TFG: variants seen among roughly 807,000 people sequenced by gnomAD.
The protein encoded by TFG is trafficking from ER to golgi regulator.
TFG carries 22 observed loss-of-function variants against 51.4 expected under a neutral mutation model. That is an observed-to-expected ratio of 0.43 (90% CI 0.31 to 0.61). The LOEUF (loss-of-function observed/expected upper bound fraction) is 0.61. Among genes scored for constraint, TFG ranks in the 20% least tolerant of loss-of-function variants. TFG has a pLI of 0.12. For synonymous variants in TFG, 187 were observed against 165.6 expected (o/e 1.13, Z -0.99); for missense variants, 419 against 487.7 (o/e 0.86, Z 1.33).
At chr3:100,734,924 C>A (rs1489533667) in intron 5 of TFG, among the ~76,000 whole-genome samples, 1 of 152,030 alleles carries the variant, frequency 6.6e-6, no homozygotes, top group Admixed American at 6.6e-5. Flanking sequence ...TTTTGTAGTT[C>A]TTCAGGTGTG....
intron 3 of TFG, among the ~76,000 whole-genome samples, chr3:100,723,284 A>G (rs916090893): frequency 2.6e-5 from 4 of 152,156 alleles, no homozygotes; most frequent in Non-Finnish European, 5.9e-5. Flanking sequence ...TGTACATGTA[A>G]GAGTTATAAT....
chr3:100,721,385 A>G (rs1226074814), intron 3 of TFG, among the ~76,000 whole-genome samples: 1 of 152,204 alleles, frequency 6.6e-6, no homozygotes, highest in Non-Finnish European at 1.5e-5. Flanking sequence ...AGGAATTGCC[A>G]TCTGGTGTCT....
chr3:100,732,918 C>T lies in TFG; in HGVS notation c.580+246C>T, dbSNP rs558656792. On this transcript the variant is annotated intron_variant, in intron 5 of 7. Coordinates refer to ENST00000240851, the MANE Select transcript of TFG (RefSeq NM_006070.6). ...TCTCCCCAAGAGTAGCACCCTCCCC[C>T]TTAAAGAATAAGCACTGTTGGGTTC... Among the ~76,000 whole-genome samples the T allele has an allele frequency of 3.3e-5, 5 of 152,146 alleles. No homozygotes were observed. The East Asian group carries it at 9.7e-4, about 29-fold the overall frequency.
chr3:100,748,579 C>G lies in TFG; in HGVS notation c.*48C>G, dbSNP rs773234775. 1.3e-6 allele frequency: 2 copies of G among 1,530,780 alleles called. No homozygotes were observed. The highest frequency in any genetic ancestry group is 1.8e-6 in the Non-Finnish European group (2 of 1,136,290). The allele number at this position is 1,530,780 out of a possible 1,614,324, so 94.8% of individuals were successfully genotyped here. A position where few individuals can be genotyped will look rare whatever the true frequency, so the allele number is the denominator to read the frequency against. On this transcript the variant is annotated 3_prime_UTR_variant, in exon 8 of 8. Transcript: ENST00000240851. Reference sequence around the variant, plus strand: ...ATGTAGCTGCTAGCTATTGGCCTCCCAAAAGACTCCAGTACTATTTTAATT... The same window carrying G: ...ATGTAGCTGCTAGCTATTGGCCTCCGAAAAGACTCCAGTACTATTTTAATT...
rs1317136895 is a variant in TFG, at chr3:100,744,919, A to C, written c.808A>C (p.Ile270Leu). ...APPQQPQQYG[I>L]QYSASYSQQT... ...ACCTCAGCAGCCTCAACAGTATGGT[A>C]TTCAGTATTCAGGTGAGCAGGTGTT... The change falls in exon 7 of 8, where the codon ATT becomes CTT. Residue 270 changes from isoleucine to leucine, a missense_variant. Ile to Leu is a conservative substitution (Grantham distance 5, BLOSUM62 2). This residue lies in a region of TFG where 391 missense variants were observed against 434.4 expected (regional missense o/e 0.90). Transcript: ENST00000240851. 2 of 1,611,536 alleles carry C rather than the reference A, an allele frequency of 1.2e-6. No homozygotes were observed. Among genetic ancestry groups the C allele is most frequent in the Non-Finnish European group, 1.7e-6 (2 of 1,178,132 alleles).
Position 100,713,653 on chromosome 3 carries a change from G to C in TFG, c.-33G>C. 6.9e-7 allele frequency: 1 copy of C among 1,442,112 alleles called. No homozygotes were observed. The highest frequency in any genetic ancestry group is 1.9e-4 in the Middle Eastern group (1 of 5,402). 89.3% of individuals were successfully genotyped at this position (1,442,112 alleles called of 1,614,324 possible). ...AACCACTTTTATCAGTCTTTCTCTA[G>C]AGTTGTATATATAGAACATCCTGGA... On this transcript the variant is annotated 5_prime_UTR_variant, in exon 2 of 8. Transcript: ENST00000240851.
chr3:100,718,419 AC>A (rs2095052034), intron 2 of TFG, among the ~76,000 whole-genome samples: 1 of 151,828 alleles, frequency 6.6e-6, no homozygotes, highest in Admixed American at 6.6e-5. Flanking sequence ...CAATGTAAAA[AC>A]CATTTTTCAT....
Position 100,728,758 on chromosome 3 carries a change from C to G in TFG, c.315C>G (p.Leu105=). 1 of 1,611,900 alleles carries G rather than the reference C, an allele frequency of 6.2e-7. No individual in the cohort carries two copies. The highest frequency in any genetic ancestry group is 8.5e-7 in the Non-Finnish European group (1 of 1,179,028). ...RPLESSQVKY[L]RRELIELRNK... ...TTGAATCAAGTCAGGTGAAATATCT[C>G]CGTCGAGAACTGATAGAACTTCGAA... Residue 105 remains leucine, a synonymous_variant, in exon 4 of 8, where the codon CTC becomes CTG. Transcript: ENST00000240851.
At chr3:100,746,265 G>C (rs2095134582) in intron 7 of TFG, among the ~76,000 whole-genome samples, 1 of 152,130 alleles carries the variant, frequency 6.6e-6, no homozygotes, top group African/African-American at 2.4e-5. Context: ...ACCTGGGGGA[G>C]GCTATGTGTG....
rs1185375387 is a variant in TFG at position 100,748,513 on chromosome 3, T to A, written c.1185T>A (p.Pro395=). 6.2e-7 allele frequency: 1 copy of A among 1,611,680 alleles called. No homozygotes were observed. Among genetic ancestry groups the A allele is most frequent in the East Asian group, 2.2e-5 (1 of 44,798 alleles). The change falls in exon 8 of 8, where the codon CCT becomes CCA. Residue 395 remains proline (P), a synonymous_variant. Coordinates refer to ENST00000240851, the MANE Select transcript of TFG (RefSeq NM_006070.6). ...CCTTTGGTCAGGGCTATACCCAACC[T>A]GGACCTGGTTATCGATAAGGAGGCT... The part of the protein sequence containing the change: ...RPPFGQGYTQ[P]GPGYR
At chr3:100,721,963 C>T (rs1304941881) in intron 3 of TFG, among the ~76,000 whole-genome samples, 1 of 152,192 alleles carries the variant, frequency 6.6e-6, no homozygotes, top group Non-Finnish European at 1.5e-5. Flanking sequence ...CCAGCCTGAG[C>T]AACACGGTAA....
chr3:100,727,046 G>A (rs1412561116), intron 3 of TFG, among the ~76,000 whole-genome samples: 1 of 152,170 alleles, frequency 6.6e-6, no homozygotes, highest in East Asian at 1.9e-4. Flanking sequence ...TTTCTGGTGT[G>A]GTCAGTGTTC....
chr3:100,744,647 C>T (rs1352153391), intron 6 of TFG, 186 bp from the exon 7 acceptor site: 3 of 449,518 alleles, frequency 6.7e-6, no homozygotes, highest in Non-Finnish European at 1.2e-5. Flanking sequence ...TAATCCACAG[C>T]AGAGGAATCA....
At chr3:100,728,956 A>C in intron 4 of TFG, 98 bp downstream of exon 4, 2 of 1,063,910 alleles carry the variant, frequency 1.9e-6, no homozygotes, top group Non-Finnish European at 2.7e-6. Flanking sequence ...GGCATCCCCA[A>C]TGTCACTCTT....
At chr3:100,725,084 T>A (rs2095071389) in intron 3 of TFG, among the ~76,000 whole-genome samples, 1 of 152,088 alleles carries the variant, frequency 6.6e-6, no homozygotes, top group South Asian at 2.1e-4. Context: ...GTTTTTGTAT[T>A]TTTAGTAGAG....
At chr3:100,733,514 ATTCT>A (rs1200082445) in intron 5 of TFG, among the ~76,000 whole-genome samples, 3 of 151,980 alleles carry the variant, frequency 2.0e-5, no homozygotes, top group Admixed American at 6.6e-5. Flanking sequence ...TTTATGTTTG[ATTCT>A]TTAAAAATAT....
intron 3 of TFG, among the ~76,000 whole-genome samples, chr3:100,724,963 G>T (rs1281918779): frequency 6.6e-6 from 1 of 152,188 alleles, no homozygotes; most frequent in Non-Finnish European, 1.5e-5. Flanking sequence ...GAGGGCAGTG[G>T]TGCGATCTCA....
chr3:100,711,298 T>TC (rs2095030740), intron 1 of TFG, among the ~76,000 whole-genome samples: 1 of 152,174 alleles, frequency 6.6e-6, no homozygotes, highest in Non-Finnish European at 1.5e-5. Flanking sequence ...AGACAGGGTT[T>TC]CACCCTGTTG....
At chr3:100,729,484 G>T (rs1188857711) in intron 4 of TFG, among the ~76,000 whole-genome samples, 5 of 152,192 alleles carry the variant, frequency 3.3e-5, no homozygotes. Flanking sequence ...ATTTTAAAAT[G>T]TGGACTGAAC....
Sources: allele counts gnomAD v4.1 joint callset (sites outside exome capture counted in the v4.1 genomes callset), GRCh38; gene constraint gnomAD v4.1.1; regional missense constraint gnomAD v4.1.1; transcripts MANE v1.5; gene names NCBI Gene and HGNC (gene_info 2026-07-23, HGNC 2026-07-21).